Variants in TLE1 observed in about 807,000 individuals in gnomAD.
TLE1 encodes TLE family member 1, transcriptional corepressor, also known as transducin-like enhancer protein 1.
TLE1 carries 21 observed loss-of-function variants against 89.8 expected under a neutral mutation model. The observed-to-expected ratio is 0.23, with a 90% CI of 0.17 to 0.34. The LOEUF (loss-of-function observed/expected upper bound fraction) is 0.34. Among genes scored for constraint, TLE1 ranks in the 10% least tolerant of loss-of-function variants. The pLI is 1.00. For synonymous variants in TLE1, 447 were observed against 407.6 expected, an observed-to-expected ratio of 1.10 and a Z score of -1.16; for missense variants, 795 against 1,031.2, an observed-to-expected ratio of 0.77 and a Z score of 3.14.
Position 81,583,769 on chromosome 9 carries a change from AC to A in TLE1, c.*428del, listed in dbSNP as rs1827979539. 1 of 161,842 alleles carries A rather than the reference AC, an allele frequency of 6.2e-6. No individual in the cohort carries two copies. The highest frequency in any genetic ancestry group is 1.4e-5 in the Non-Finnish European group (1 of 73,200). The allele number at this position is 161,842 out of a possible 1,614,324, so 10.0% of individuals were successfully genotyped here. A position where few individuals can be genotyped will look rare whatever the true frequency, so the allele number is the denominator to read the frequency against. On this transcript the variant is annotated 3_prime_UTR_variant, in exon 20 of 20. Coordinates refer to ENST00000376499, the MANE Select transcript of TLE1 (RefSeq NM_005077.5). ...TAACCTTCAACAAAAATACAAAAAAACATTTCACAAGATGCAAAACCAGGAA... is the reference window on the plus strand; with the variant it reads ...TAACCTTCAACAAAAATACAAAAAAAATTTCACAAGATGCAAAACCAGGAA...
At chr9:81,655,221 G>A (rs560731574) in intron 4 of TLE1, among the ~76,000 whole-genome samples, 6 of 151,982 alleles carry the variant, frequency 3.9e-5, no homozygotes, top group African/African-American at 7.2e-5. Flanking sequence ...AAAATTAGCC[G>A]GGCGTGATGG....
chr9:81,653,779 G>C (rs1829838024), intron 5 of TLE1, among the ~76,000 whole-genome samples, 195 bp downstream of exon 5: 1 of 152,164 alleles, frequency 6.6e-6, no homozygotes, highest in Non-Finnish European at 1.5e-5. Flanking sequence ...TAATTTGGGG[G>C]TTGAGCTATT....
intron 14 of TLE1, among the ~76,000 whole-genome samples, chr9:81,606,234 C>CT (rs2131996246): frequency 6.6e-6 from 1 of 152,306 alleles, no homozygotes; most frequent in South Asian, 2.1e-4. Flanking sequence ...GGATCTAGAA[C>CT]TAGAAATACC....
intron 12 of TLE1, 63 bp downstream of exon 12, chr9:81,613,314 G>C: frequency 6.3e-7 from 1 of 1,588,796 alleles, no homozygotes. Context: ...AACATTAACA[G>C]ACAACAAATC....
At chr9:81,623,726 G>T (rs948744706) in intron 8 of TLE1, among the ~76,000 whole-genome samples, 3 of 151,924 alleles carry the variant, frequency 2.0e-5, no homozygotes, top group Non-Finnish European at 4.4e-5. Context: ...GGAGGCGGAG[G>T]TTGCAATGAG....
At chr9:81,606,884 T>A (rs188861023) in intron 14 of TLE1, among the ~76,000 whole-genome samples, 1 of 151,906 alleles carries the variant, frequency 6.6e-6, no homozygotes, top group Admixed American at 6.6e-5. Context: ...ATATTAAGTC[T>A]ATCTTCCTCA....
intron 6 of TLE1, among the ~76,000 whole-genome samples, chr9:81,645,487 T>A (rs904997098): frequency 4.6e-5 from 7 of 152,024 alleles, no homozygotes; most frequent in Admixed American, 4.6e-4. Flanking sequence ...ACACTTATAA[T>A]CCCAGCACTT....
chr9:81,589,899 G>A (rs79709264), intron 16 of TLE1, among the ~76,000 whole-genome samples: 12,999 of 152,100 alleles, frequency 0.085, 746 homozygotes, highest in Admixed American at 0.12. Context: ...TCACCCACAC[G>A]CAGGGACCGG....
intron 14 of TLE1, among the ~76,000 whole-genome samples, chr9:81,595,516 T>G (rs1830059755): frequency 6.6e-6 from 1 of 152,080 alleles, no homozygotes; most frequent in Non-Finnish European, 1.5e-5. Flanking sequence ...CAAGTAAATT[T>G]CCATAAAATT....
chr9:81,627,092 T>G (rs1189445288), intron 8 of TLE1, among the ~76,000 whole-genome samples: 2 of 152,096 alleles, frequency 1.3e-5, no homozygotes, highest in African/African-American at 4.8e-5. Flanking sequence ...AGCCATTAGG[T>G]CAGGACTTGA....
At chr9:81,585,774 C>T in intron 17 of TLE1, 119 bp from the exon 18 acceptor site, 1 of 1,309,802 alleles carries the variant, frequency 7.6e-7, no homozygotes, top group Non-Finnish European at 1.0e-6. Flanking sequence ...CAAGTCCAGA[C>T]TGTGGGGAGG....
intron 16 of TLE1, among the ~76,000 whole-genome samples, chr9:81,588,294 G>T (rs1045986887): frequency 6.6e-6 from 1 of 152,318 alleles, no homozygotes; most frequent in South Asian, 2.1e-4. Flanking sequence ...AGCACAGGGT[G>T]TACAGAAGCA....
chr9:81,599,776 T>C (rs1437225269), intron 14 of TLE1: 4 of 269,054 alleles, frequency 1.5e-5, no homozygotes, highest in Non-Finnish European at 7.0e-6. Flanking sequence ...CCCACCTTAT[T>C]TGGAAGACAG....
chr9:81,659,341 G>C (rs943030468), intron 4 of TLE1, among the ~76,000 whole-genome samples: 1 of 152,162 alleles, frequency 6.6e-6, no homozygotes, highest in Non-Finnish European at 1.5e-5. Context: ...AGGGCTAACT[G>C]TATTTCCCAC....
At chr9:81,686,118 T>C (rs931628982) in intron 2 of TLE1, among the ~76,000 whole-genome samples, 6 of 152,226 alleles carry the variant, frequency 3.9e-5, no homozygotes, top group African/African-American at 1.4e-4. Flanking sequence ...GGTGCCTATC[T>C]GGTTAGATGA....
At chr9:81,623,616 TTAAAAA>T (rs1271663675) in intron 8 of TLE1, among the ~76,000 whole-genome samples, 3 of 84,392 alleles carry the variant, frequency 3.6e-5, no homozygotes, top group East Asian at 6.2e-4. Context: ...CCATCTGTAC[TTAAAAA>T]AAAAAAAAAA....
At chr9:81,601,707 T>C (rs922513970) in intron 14 of TLE1, among the ~76,000 whole-genome samples, 2 of 152,266 alleles carry the variant, frequency 1.3e-5, no homozygotes, top group Middle Eastern at 3.4e-3. Flanking sequence ...ATTCAAGTTA[T>C]GCTGAACTAA....
chr9:81,682,970 T>C (rs1157001999), intron 4 of TLE1, among the ~76,000 whole-genome samples: 1 of 152,218 alleles, frequency 6.6e-6, no homozygotes, highest in Non-Finnish European at 1.5e-5. Flanking sequence ...TCAGGAAGTG[T>C]TGACACAACC....
intron 14 of TLE1, among the ~76,000 whole-genome samples, chr9:81,604,857 C>T (rs773969751): frequency 2.0e-5 from 3 of 152,176 alleles, no homozygotes; most frequent in Admixed American, 1.3e-4. Context: ...TTCCTGCATG[C>T]GCTTCAGCTT....
Sources: allele counts gnomAD v4.1 joint callset (sites outside exome capture counted in the v4.1 genomes callset), GRCh38; gene constraint gnomAD v4.1.1; transcripts MANE v1.5; gene names NCBI Gene and HGNC (gene_info 2026-07-23, HGNC 2026-07-21).